Variants in RAN observed in about 807,000 individuals in gnomAD.
RAN encodes RAN, member RAS oncogene family, also known as GTP-binding nuclear protein Ran.
RAN carries 2 observed loss-of-function variants against 26.8 expected under a neutral mutation model. The observed-to-expected ratio is 0.07, with a 90% CI of 0.03 to 0.23. RAN has a LOEUF of 0.23. RAN is among the 10% of genes least tolerant of loss of function. The pLI is 1.00. For missense variants in RAN, 56 were observed against 264.8 expected, an observed-to-expected ratio of 0.21 and a Z score of 5.47; for synonymous variants, 132 against 95.9, an observed-to-expected ratio of 1.38 and a Z score of -2.20.
intron 4 of RAN, 105 bp downstream of exon 4, chr12:130,873,233 G>C: frequency 6.7e-7 from 1 of 1,483,244 alleles, no homozygotes; most frequent in Non-Finnish European, 9.1e-7. Flanking sequence ...GTCATTTTTG[G>C]GTTAAAAAAA....
At position 130,873,068 on chromosome 12, in the gene RAN, G is replaced by C; in HGVS notation, c.187G>C (p.Val63Leu). ...HTNRGPIKFN[V>L]WDTAGQEKFG... is the part of the protein sequence containing the mutation. Reference sequence around the variant, plus strand: ...CAACAGAGGACCTATTAAGTTCAATGTATGGGACACAGCCGGCCAGGAGAA... The same window carrying C: ...CAACAGAGGACCTATTAAGTTCAATCTATGGGACACAGCCGGCCAGGAGAA... The change falls in exon 4 of 7, where the codon GTA becomes CTA. Residue 63 changes from valine to leucine, a missense_variant. Physicochemically the swap from Val to Leu is conservative, Grantham distance 32 (BLOSUM62 1). Coordinates refer to ENST00000543796, the MANE Select transcript of RAN (RefSeq NM_006325.5). 6.2e-7 allele frequency: 1 copy of C among 1,614,214 alleles called. No homozygotes were observed. The highest frequency in any genetic ancestry group is 1.7e-5 in the Admixed American group (1 of 60,018).
Position 130,877,667 on chromosome 12 carries a change from A to G in RAN, c.*1741A>G, listed in dbSNP as rs890610552. ...AATTGTTGCAAAATATATTGCTTCT[A>G]CTTTGCCTGGATTTTTTGAATCATC... On this transcript the variant is annotated 3_prime_UTR_variant, in exon 7 of 7. Coordinates refer to ENST00000543796, the MANE Select transcript of RAN (RefSeq NM_006325.5). The G allele has an allele frequency of 6.6e-6, 1 of 152,212 alleles. No homozygotes were observed. Among genetic ancestry groups the G allele is most frequent in the African/African-American group, 2.4e-5 (1 of 41,446 alleles). 9.4% of individuals were successfully genotyped at this position (152,212 alleles called of 1,614,324 possible). A position where few individuals can be genotyped will look rare whatever the true frequency, so the allele number is the denominator to read the frequency against.
At chr12:130,877,678 A>AT (rs1461233299), downstream of RAN, 1 of 152,122 alleles carries the variant, frequency 6.6e-6, no homozygotes, top group African/African-American at 2.4e-5. Context: ...CTTTGCCTGG[A>AT]TTTTTTGAAT....
At chr12:130,874,442 T>C in intron 4 of RAN, 104 bp from the exon 5 acceptor site, 1 of 865,918 alleles carries the variant, frequency 1.2e-6, no homozygotes, top group South Asian at 1.9e-5. Context: ...AGGTGACTCG[T>C]TGAGGTCTAA....
At chr12:130,872,449 C>G (rs1443706510) in intron 1 of RAN, 135 bp from the exon 2 acceptor site, 1 of 414,752 alleles carries the variant, frequency 2.4e-6, no homozygotes, top group Admixed American at 5.7e-5. Context: ...TTCCCGCTCC[C>G]AGGCCTGGCC....
intron 4 of RAN, chr12:130,873,970 C>T (rs1479571337): frequency 1.7e-5 from 6 of 353,566 alleles, no homozygotes; most frequent in South Asian, 8.0e-5. Flanking sequence ...ACCTCAGCAT[C>T]CTGAGTAGCT....
At chr12:130,873,284 A>T in intron 4 of RAN, 156 bp downstream of exon 4, 1 of 985,162 alleles carries the variant, frequency 1.0e-6, no homozygotes, top group African/African-American at 1.6e-5. Context: ...TTTTGGTGGC[A>T]GAGAAAATTT....
At chr12:130,875,411 G>T (rs901390096) in intron 5 of RAN, among the ~76,000 whole-genome samples, 2 of 151,450 alleles carry the variant, frequency 1.3e-5, no homozygotes, top group African/African-American at 4.9e-5. Flanking sequence ...TGGAGTTGGG[G>T]TCTTGCTCTG....
Position 130,873,279 on chromosome 12 carries a change from G to T in RAN, c.247+151G>T, listed in dbSNP as rs1175380176. On this transcript the variant is annotated intron_variant, in intron 4 of 6. Coordinates refer to ENST00000543796, the MANE Select transcript of RAN (RefSeq NM_006325.5). ...CTTCGGGGAGTTGACCACCATTTTGGTGGCAGAGAAAATTTTATTAAAGTT... is the reference window on the plus strand; with the variant it reads ...CTTCGGGGAGTTGACCACCATTTTGTTGGCAGAGAAAATTTTATTAAAGTT... The T allele has an allele frequency of 3.9e-6, 4 of 1,035,762 alleles. No homozygotes were observed. In the East Asian group the frequency reaches 9.9e-5, roughly 26 times the overall value. 64.2% of individuals were successfully genotyped at this position (1,035,762 alleles called of 1,614,324 possible). A position where few individuals can be genotyped will look rare whatever the true frequency, so the allele number is the denominator to read the frequency against.
At position 130,872,816 on chromosome 12, in the gene RAN, CA is replaced by C; in HGVS notation, c.37-16del. 6.2e-7 allele frequency: 1 copy of C among 1,613,712 alleles called. No individual in the cohort carries two copies. The highest frequency in any genetic ancestry group is 8.5e-7 in the Non-Finnish European group (1 of 1,179,634). On this transcript the variant is annotated intron_variant, in intron 2 of 6. Transcript: ENST00000543796. Reference sequence around the variant, plus strand: ...AGGTGAAGTGTTTAGGGTTTACTTCCAAAATGTGTTTTTCAACAGCTTGTAT... The same window carrying C: ...AGGTGAAGTGTTTAGGGTTTACTTCCAAATGTGTTTTTCAACAGCTTGTAT...
chr12:130,873,529 T>C (rs1335194767), intron 4 of RAN: 2 of 191,860 alleles, frequency 1.0e-5, no homozygotes, highest in African/African-American at 4.7e-5. Flanking sequence ...TAGGAGATCT[T>C]AACAAGTGTT....
At chr12:130,874,055 C>A in intron 4 of RAN, 2 of 369,998 alleles carry the variant, frequency 5.4e-6, no homozygotes, top group South Asian at 2.0e-5. Context: ...CACCATGTTG[C>A]CCATGCTGGT....
At position 130,874,550 on chromosome 12, in the gene RAN, G is replaced by A. The variant is rs755483197; in HGVS notation, c.252G>A (p.Gln84=). ...TTCCCACAAATGTTTCTTCAGCCCA[G>A]TGTGCCATCATAATGTTTGATGTAA... ...GLRDGYYIQA[Q]CAIIMFDVTS... Residue 84 remains glutamine, a synonymous_variant, in exon 5 of 7, where the codon CAG becomes CAA. Transcript: ENST00000543796. 6 of 1,579,522 alleles carry A rather than the reference G, an allele frequency of 3.8e-6. No individual in the cohort carries two copies. Among genetic ancestry groups the A allele is most frequent in the Non-Finnish European group, 4.3e-6 (5 of 1,152,044 alleles).
chr12:130,877,220 C>G lies in RAN; in HGVS notation c.*1294C>G, dbSNP rs557961315. On this transcript the variant is annotated 3_prime_UTR_variant, in exon 7 of 7. Coordinates refer to ENST00000543796, the MANE Select transcript of RAN (RefSeq NM_006325.5). ...CATACGATTACTATAGTCCAGTTTA[C>G]CAAAGTTTTCTTTAGATGTCTGATA... is the stretch of plus-strand genomic sequence containing the variant. 1.3e-5 allele frequency: 2 copies of G among 152,164 alleles called. No homozygotes were observed. Among genetic ancestry groups the G allele is most frequent in the African/African-American group, 4.8e-5 (2 of 41,528 alleles). 9.4% of individuals were successfully genotyped at this position (152,164 alleles called of 1,614,324 possible). A position where few individuals can be genotyped will look rare whatever the true frequency, so the allele number is the denominator to read the frequency against.
In RAN at chr12:130,873,488, C is replaced by T. The variant is rs1024322184; in HGVS notation, c.247+360C>T. 2.0e-5 allele frequency: 5 copies of T among 248,578 alleles called. No homozygotes were observed. In the East Asian group the frequency reaches 4.2e-4, roughly 21 times the overall value. The allele number at this position is 248,578 out of a possible 1,614,324, so 15.4% of individuals were successfully genotyped here. ...TGAATGTTTTTACTGTATTAGAAAA[C>T]AATAAACACCAGATACTAGACCAGA... is the stretch of plus-strand genomic sequence containing the variant. On this transcript the variant is annotated intron_variant, in intron 4 of 6. Coordinates refer to ENST00000543796, the MANE Select transcript of RAN (RefSeq NM_006325.5).
chr12:130,874,793 T>G, intron 5 of RAN, 60 bp downstream of exon 5: 1 of 1,376,130 alleles, frequency 7.3e-7, no homozygotes. Context: ...TGTAAGACCA[T>G]GAAATTAACC....
rs145207608 is a variant in RAN, at chr12:130,873,046, C to T, written c.165C>T (p.Asn55=). 4,111 of 1,614,224 alleles carry T rather than the reference C, an allele frequency of 2.5e-3. 20 individuals are homozygous for T. The highest frequency in any genetic ancestry group is 2.1e-3 in the Non-Finnish European group (2,456 of 1,180,040). Reference sequence around the variant, plus strand: ...TTCATCCCCTAGTGTTCCACACCAACAGAGGACCTATTAAGTTCAATGTAT... The same window carrying T: ...TTCATCCCCTAGTGTTCCACACCAATAGAGGACCTATTAAGTTCAATGTAT... ...VEVHPLVFHT[N]RGPIKFNVWD... Residue 55 remains asparagine, a synonymous_variant, in exon 4 of 7, where the codon AAC becomes AAT. Transcript: ENST00000543796.
Position 130,874,712 on chromosome 12 carries a change from C to T in RAN, c.414C>T (p.Phe138=). ...DRKVKAKSIV[F]HRKKNLQYYD... ...AAGTGAAGGCGAAATCCATTGTCTTCCACCGAAAGAAGAATCTTCAGGTGT... is the reference window on the plus strand; with the variant it reads ...AAGTGAAGGCGAAATCCATTGTCTTTCACCGAAAGAAGAATCTTCAGGTGT... The change falls in exon 5 of 7, where the codon TTC becomes TTT. Residue 138 remains phenylalanine, a synonymous_variant. Coordinates refer to ENST00000543796, the MANE Select transcript of RAN (RefSeq NM_006325.5). 1.2e-6 allele frequency: 2 copies of T among 1,612,892 alleles called. No individual in the cohort carries two copies. Among genetic ancestry groups the T allele is most frequent in the Non-Finnish European group, 1.7e-6 (2 of 1,179,378 alleles).
At position 130,873,043 on chromosome 12, in the gene RAN, C is replaced by A; in HGVS notation, c.162C>A (p.Thr54=). Residue 54 remains threonine, a synonymous_variant, in exon 4 of 7, where the codon ACC becomes ACA. Transcript: ENST00000543796. ...AGGTTCATCCCCTAGTGTTCCACAC[C>A]AACAGAGGACCTATTAAGTTCAATG... The part of the protein sequence containing the change: ...GVEVHPLVFH[T]NRGPIKFNVW... 6.2e-7 allele frequency: 1 copy of A among 1,614,166 alleles called. No individual in the cohort carries two copies. The highest frequency in any genetic ancestry group is 8.5e-7 in the Non-Finnish European group (1 of 1,180,042).
Sources: allele counts gnomAD v4.1 joint callset (sites outside exome capture counted in the v4.1 genomes callset), GRCh38; gene constraint gnomAD v4.1.1; transcripts MANE v1.5; gene names NCBI Gene and HGNC (gene_info 2026-07-23, HGNC 2026-07-21).